The following ASZ1 variants were observed in gnomAD, a reference collection of about 807,000 sequenced individuals.
ASZ1 encodes ankyrin repeat, SAM and basic leucine zipper domain-containing protein 1.
A neutral mutation model predicts 61.8 loss-of-function variants in ASZ1; 67 were observed. The ratio of observed to expected loss-of-function variants is 1.08; its 90% CI spans 0.89 to 1.33. The LOEUF (loss-of-function observed/expected upper bound fraction) is 1.33. Ranked by LOEUF, ASZ1 falls within the 40% of genes most tolerant of loss-of-function variation. The pLI is 0.00. For synonymous variants in ASZ1, 193 were observed against 192.7 expected (o/e 1.00, Z -0.01); for missense variants, 577 against 554.5 (o/e 1.04, Z -0.41).
chr7:117,384,604 C>T lies in ASZ1; in HGVS notation c.687+122G>A, dbSNP rs566109818. On this transcript the variant is annotated intron_variant, in intron 6 of 12. Transcript: ENST00000284629. ...GCTGGAGGAAAGATACATATTTAAA[C>T]ATTTAATAATTGCCAGATACACTAT... The T allele has an allele frequency of 8.6e-6, 10 of 1,164,324 alleles. No individual in the cohort carries two copies. In the East Asian group the frequency reaches 2.5e-4, roughly 30 times the overall value. 72.1% of individuals were successfully genotyped at this position (1,164,324 alleles called of 1,614,324 possible). A position where few individuals can be genotyped will look rare whatever the true frequency, so the allele number is the denominator to read the frequency against.
At chr7:117,374,893 G>C (rs975762501) in intron 10 of ASZ1, among the ~76,000 whole-genome samples, 1 of 151,994 alleles carries the variant, frequency 6.6e-6, no homozygotes, top group African/African-American at 2.4e-5. Flanking sequence ...GAAACCAAAA[G>C]AAGAAAGGAA....
At chr7:117,410,420 T>C (rs1359211106) in intron 4 of ASZ1, among the ~76,000 whole-genome samples, 1 of 151,690 alleles carries the variant, frequency 6.6e-6, no homozygotes, top group Non-Finnish European at 1.5e-5. Context: ...ATAGCGTAAC[T>C]CAAAATACAT....
rs1044724700 is a variant in ASZ1, at chr7:117,363,830, A to G, written c.1276-82T>C. The G allele has an allele frequency of 1.2e-5, 14 of 1,139,500 alleles. No homozygotes were observed. The African/African-American group carries it at 2.3e-4, about 18-fold the overall frequency. 70.6% of individuals were successfully genotyped at this position (1,139,500 alleles called of 1,614,324 possible). A position where few individuals can be genotyped will look rare whatever the true frequency, so the allele number is the denominator to read the frequency against. On this transcript the variant is annotated intron_variant, in intron 12 of 12. Coordinates refer to ENST00000284629, the MANE Select transcript of ASZ1 (RefSeq NM_130768.3). Reference sequence around the variant, plus strand: ...CATTTTGATTTTAAAAAATATCATAATATCCATGTTAATTCATTTCACTTG... The same window carrying G: ...CATTTTGATTTTAAAAAATATCATAGTATCCATGTTAATTCATTTCACTTG...
At position 117,426,942 on chromosome 7, in the gene ASZ1, A is replaced by C; in HGVS notation, c.106-7T>G. 1 of 1,579,902 alleles carries C rather than the reference A, an allele frequency of 6.3e-7. No homozygotes were observed. The highest frequency in any genetic ancestry group is 8.6e-7 in the Non-Finnish European group (1 of 1,169,548). On this transcript the variant is annotated splice_polypyrimidine_tract_variant and splice_region_variant and intron_variant, in intron 1 of 12. Coordinates refer to ENST00000284629, the MANE Select transcript of ASZ1 (RefSeq NM_130768.3). ...GTAATAGCCTTTTCAATTTCTAGAA[A>C]AGTAAACATTTTAAAAAATTCTTGT...
chr7:117,384,158 A>C (rs138121373), intron 6 of ASZ1, among the ~76,000 whole-genome samples: 1 of 152,234 alleles, frequency 6.6e-6, no homozygotes, highest in East Asian at 1.9e-4. Context: ...TAAAGCTTTA[A>C]TCTTCAGACC....
At chr7:117,377,109 C>T (rs932414029) in intron 10 of ASZ1, among the ~76,000 whole-genome samples, 1 of 152,046 alleles carries the variant, frequency 6.6e-6, no homozygotes, top group African/African-American at 2.4e-5. Flanking sequence ...AAATCAATTG[C>T]ACATGGAAAC....
chr7:117,415,559 TC>T (rs1230389302), intron 4 of ASZ1, among the ~76,000 whole-genome samples: 1 of 152,134 alleles, frequency 6.6e-6, no homozygotes, highest in Admixed American at 6.5e-5. Context: ...TTAATGTTAG[TC>T]TCTTACTATG....
intron 7 of ASZ1, among the ~76,000 whole-genome samples, chr7:117,382,619 G>A (rs1796276720): frequency 6.6e-6 from 1 of 152,062 alleles, no homozygotes; most frequent in African/African-American, 2.4e-5. Context: ...CTCAACAGTG[G>A]TGTTCTGGGG....
At chr7:117,403,811 C>A (rs187843442) in intron 4 of ASZ1, among the ~76,000 whole-genome samples, 1 of 152,090 alleles carries the variant, frequency 6.6e-6, no homozygotes, top group East Asian at 1.9e-4. Context: ...GGAACTGAGC[C>A]GCAGAGCAGG....
At chr7:117,366,301 A>C (rs747753226) in intron 12 of ASZ1, among the ~76,000 whole-genome samples, 24 of 152,154 alleles carry the variant, frequency 1.6e-4, no homozygotes, top group Non-Finnish European at 3.1e-4. Context: ...GATTTAACAC[A>C]TTAATAGCTA....
chr7:117,363,753 T>C lies in ASZ1; in HGVS notation c.1276-5A>G. 1 of 1,557,406 alleles carries C rather than the reference T, an allele frequency of 6.4e-7. No homozygotes were observed. Among genetic ancestry groups the C allele is most frequent in the South Asian group, 1.2e-5 (1 of 81,382 alleles). On this transcript the variant is annotated splice_polypyrimidine_tract_variant and splice_region_variant and intron_variant, in intron 12 of 12. Coordinates refer to ENST00000284629, the MANE Select transcript of ASZ1 (RefSeq NM_130768.3). ...ATTTTCCCGTTCATTTTGCAACTAA[T>C]ATTTAGTATGGAAAAAGAAAAGAGG...
chr7:117,368,499 A>T (rs1795987081), intron 11 of ASZ1, 113 bp downstream of exon 11: 1 of 1,471,654 alleles, frequency 6.8e-7, no homozygotes. Flanking sequence ...GATTTTGCAG[A>T]ACAAACGATG....
At chr7:117,387,240 C>G (rs1278123534) in intron 4 of ASZ1, among the ~76,000 whole-genome samples, 1 of 151,184 alleles carries the variant, frequency 6.6e-6, no homozygotes, top group Non-Finnish European at 1.5e-5. Context: ...CCTGGGAGAT[C>G]AAGGCTTCAG....
intron 4 of ASZ1, among the ~76,000 whole-genome samples, chr7:117,387,209 G>C (rs1469612715): frequency 6.7e-6 from 1 of 150,342 alleles, no homozygotes; most frequent in Non-Finnish European, 1.5e-5. Flanking sequence ...AGCTACTTCA[G>C]AGGTGGGAGA....
In ASZ1 at chr7:117,408,503, A is replaced by C. The variant is rs145540749; in HGVS notation, c.440+11660T>G. On this transcript the variant is annotated intron_variant, in intron 4 of 12. Transcript: ENST00000284629. ...GCCAAATCACATTATTTTATAGTGC[A>C]AAAATTGACCATAGGTTGGGTTATA... Among the ~76,000 whole-genome samples the C allele has an allele frequency of 2.0e-5, 3 of 152,280 alleles. No homozygotes were observed. In the East Asian group the frequency reaches 5.8e-4, roughly 29 times the overall value.
At chr7:117,422,481 A>G (rs1797118459) in intron 2 of ASZ1, 122 bp from the exon 3 acceptor site, 1 of 1,156,252 alleles carries the variant, frequency 8.6e-7, no homozygotes, top group African/African-American at 1.6e-5. Context: ...CACCATGGGA[A>G]GTTTTTAATG....
At chr7:117,385,009 T>C (rs865975568) in intron 5 of ASZ1, 149 bp from the exon 6 acceptor site, 6 of 759,840 alleles carry the variant, frequency 7.9e-6, no homozygotes, top group Non-Finnish European at 9.5e-6. Flanking sequence ...TACAATATAA[T>C]GTAAACATAT....
Position 117,427,312 on chromosome 7 carries a change from G to A in ASZ1, c.105+44C>T, listed in dbSNP as rs769693870. On this transcript the variant is annotated intron_variant, in intron 1 of 12. Transcript: ENST00000284629. ...TGGGCCTCGCCTTCGAGGGCCAGGG[G>A]AGGCTGAAACCAGGTGTGGTCAAGA... The A allele has an allele frequency of 7.5e-6, 12 of 1,600,166 alleles. No homozygotes were observed. The South Asian group carries it at 1.1e-4, about 15-fold the overall frequency.
chr7:117,363,579 TAA>T lies in ASZ1; in HGVS notation c.*15_*16del, dbSNP rs774325699. On this transcript the variant is annotated 3_prime_UTR_variant, in exon 13 of 13. Coordinates refer to ENST00000284629, the MANE Select transcript of ASZ1 (RefSeq NM_130768.3). ...TTCAATAAGATGTGTATATATAACT[TAA>T]AACAAATATTTGGATTATTTCCTCT... is the stretch of plus-strand genomic sequence containing the variant. The T allele has an allele frequency of 6.3e-7, 1 of 1,580,802 alleles. No homozygotes were observed. Among genetic ancestry groups the T allele is most frequent in the South Asian group, 1.2e-5 (1 of 85,120 alleles).
Sources: allele counts gnomAD v4.1 joint callset (sites outside exome capture counted in the v4.1 genomes callset), GRCh38; gene constraint gnomAD v4.1.1; transcripts MANE v1.5; gene names NCBI Gene and HGNC (gene_info 2026-07-23, HGNC 2026-07-21).